The following KIF16B variants were observed in gnomAD, a reference collection of about 807,000 sequenced individuals.
KIF16B encodes the protein kinesin-like protein KIF16B.
In KIF16B, 98 loss-of-function variants were observed where a neutral mutation model predicts 156.3. The ratio of observed to expected loss-of-function variants is 0.63; its 90% CI spans 0.53 to 0.74. KIF16B has a LOEUF of 0.74. KIF16B is among the 30% of genes least tolerant of loss of function. The probability of loss-of-function intolerance (pLI) is 0.00; values close to 1 mark genes in which losing one functional copy is unlikely to be tolerated. For missense variants in KIF16B, 1,421 were observed against 1,606.5 expected (o/e 0.88, Z 1.97); for synonymous variants, 564 against 583.7 (o/e 0.97, Z 0.49).
At position 16,328,574 on chromosome 20, in the gene KIF16B, A is replaced by T. The variant is rs774262094; in HGVS notation, c.3711+7352T>A. 9.9e-4 allele frequency among the ~76,000 whole-genome samples: 150 copies of T among 152,284 alleles called. 1 individual carries two copies. The highest frequency in any genetic ancestry group is 9.8e-3 in the Admixed American group (149 of 15,274). ...GAATATCATCAAAAGACCCTCAATGATTGATTCCAGTACTTCATCTGTTTC... is the reference window on the plus strand; with the variant it reads ...GAATATCATCAAAAGACCCTCAATGTTTGATTCCAGTACTTCATCTGTTTC... On this transcript the variant is annotated intron_variant, in intron 24 of 25. Transcript: ENST00000354981.
At chr20:16,453,602 T>C (rs1311613696) in intron 12 of KIF16B, among the ~76,000 whole-genome samples, 2 of 152,100 alleles carry the variant, frequency 1.3e-5, no homozygotes, top group Non-Finnish European at 2.9e-5. Context: ...ATGAAAATTA[T>C]GGGAAAACGC....
chr20:16,387,463 G>A (rs1462354511), intron 17 of KIF16B, among the ~76,000 whole-genome samples: 1 of 152,156 alleles, frequency 6.6e-6, no homozygotes, highest in Non-Finnish European at 1.5e-5. Context: ...TCAAGTGCTG[G>A]AGATGAGGGA....
At chr20:16,352,065 G>A (rs1483788968) in intron 23 of KIF16B, among the ~76,000 whole-genome samples, 2 of 152,196 alleles carry the variant, frequency 1.3e-5, no homozygotes, top group East Asian at 1.9e-4. Flanking sequence ...GAGCAGACAC[G>A]ACTAATCTGT....
At chr20:16,430,301 C>A (rs2066464007) in intron 12 of KIF16B, among the ~76,000 whole-genome samples, 2 of 152,138 alleles carry the variant, frequency 1.3e-5, no homozygotes, top group South Asian at 4.1e-4. Context: ...AGCCTTTATG[C>A]CATTTAATAT....
rs990773545 is a variant in KIF16B at position 16,413,033 on chromosome 20, A to T, written c.1613-6577T>A. On this transcript the variant is annotated intron_variant, in intron 15 of 25. Coordinates refer to ENST00000354981, the MANE Select transcript of KIF16B (RefSeq NM_024704.5). ...CAGAATTCAGTTTCCTCATCTAGTTATCAAACTGGACAATTTCTAAGATTC... is the reference window on the plus strand; with the variant it reads ...CAGAATTCAGTTTCCTCATCTAGTTTTCAAACTGGACAATTTCTAAGATTC... 2.6e-5 allele frequency among the ~76,000 whole-genome samples: 4 copies of T among 152,098 alleles called. No homozygotes were observed. The East Asian group carries it at 5.8e-4, about 22-fold the overall frequency.
chr20:16,435,944 T>C (rs2066630802), intron 12 of KIF16B, among the ~76,000 whole-genome samples: 1 of 152,224 alleles, frequency 6.6e-6, no homozygotes, highest in African/African-American at 2.4e-5. Context: ...AATTCATGTT[T>C]CTCATTCATT....
chr20:16,301,049 G>A (rs1485745953), intron 25 of KIF16B, among the ~76,000 whole-genome samples: 1 of 151,978 alleles, frequency 6.6e-6, no homozygotes, highest in East Asian at 1.9e-4. Context: ...TATTAGTTGT[G>A]CCTTTTCCAA....
chr20:16,445,587 G>A (rs1173279968), intron 12 of KIF16B, among the ~76,000 whole-genome samples: 1 of 151,842 alleles, frequency 6.6e-6, no homozygotes, highest in Non-Finnish European at 1.5e-5. Context: ...GAGCAGCCTT[G>A]ATGACCTTTT....
chr20:16,468,955 T>C (rs1465057080), intron 12 of KIF16B, among the ~76,000 whole-genome samples: 2 of 152,070 alleles, frequency 1.3e-5, no homozygotes, highest in African/African-American at 4.8e-5. Flanking sequence ...TAAAACATCT[T>C]AACAAATGTA....
intron 17 of KIF16B, among the ~76,000 whole-genome samples, chr20:16,396,912 C>T (rs917415213): frequency 6.3e-5 from 7 of 111,518 alleles, no homozygotes; most frequent in Non-Finnish European, 9.2e-5. Flanking sequence ...TTTTGATATT[C>T]TAACTGGGTT....
At chr20:16,532,049 C>G in intron 1 of KIF16B, among the ~76,000 whole-genome samples, 2 of 104,426 alleles carry the variant, frequency 1.9e-5, no homozygotes, top group South Asian at 3.1e-4. Context: ...GACTGGACGA[C>G]AAGAGCAAAA....
intron 22 of KIF16B, among the ~76,000 whole-genome samples, chr20:16,364,507 T>G (rs2123225836): frequency 6.6e-6 from 1 of 152,332 alleles, no homozygotes; most frequent in South Asian, 2.1e-4. Flanking sequence ...CTAGGGGTGC[T>G]GTAGGCTTAG....
chr20:16,470,992 G>C (rs1280606818), intron 12 of KIF16B, among the ~76,000 whole-genome samples: 1 of 151,950 alleles, frequency 6.6e-6, no homozygotes, highest in Non-Finnish European at 1.5e-5. Flanking sequence ...GAAAACATAG[G>C]AGACAGGAAA....
chr20:16,488,725 T>C (rs760776084), intron 12 of KIF16B, among the ~76,000 whole-genome samples: 20 of 152,302 alleles, frequency 1.3e-4, no homozygotes, highest in Non-Finnish European at 2.4e-4. Flanking sequence ...CAAGAATCCA[T>C]TGATGTCAAG....
At chr20:16,303,654 G>A (rs978410953) in intron 25 of KIF16B, among the ~76,000 whole-genome samples, 1 of 152,152 alleles carries the variant, frequency 6.6e-6, no homozygotes, top group African/African-American at 2.4e-5. Flanking sequence ...ATATTAACGG[G>A]CAGATACTGT....
intron 22 of KIF16B, chr20:16,367,953 A>G: frequency 2.1e-6 from 3 of 1,443,572 alleles, no homozygotes; most frequent in Non-Finnish European, 2.7e-6. Flanking sequence ...GAGGTAGAGC[A>G]TGAAAAATGC....
At chr20:16,364,337 A>T (rs2064612942) in intron 22 of KIF16B, among the ~76,000 whole-genome samples, 1 of 152,252 alleles carries the variant, frequency 6.6e-6, no homozygotes, top group Non-Finnish European at 1.5e-5. Flanking sequence ...AGAATGTATT[A>T]AGAAGTCCCA....
At chr20:16,506,931 G>GA (rs1039837277) in intron 7 of KIF16B, among the ~76,000 whole-genome samples, 17 of 140,312 alleles carry the variant, frequency 1.2e-4, no homozygotes, top group African/African-American at 4.1e-4. Context: ...ACCATCTCTA[G>GA]AAAAAACTTA....
rs1010934379 is a variant in KIF16B, at chr20:16,565,312, C to T, written c.47+7917G>A. Among the ~76,000 whole-genome samples the T allele has an allele frequency of 3.3e-5, 5 of 152,092 alleles. No individual in the cohort carries two copies. In the East Asian group the frequency reaches 5.8e-4, roughly 18 times the overall value. ...AAACAAAATGCACAGCCCATAGAGCCGTGACATCATCACACACCATGTAGT... is the reference window on the plus strand; with the variant it reads ...AAACAAAATGCACAGCCCATAGAGCTGTGACATCATCACACACCATGTAGT... On this transcript the variant is annotated intron_variant, in intron 1 of 25. Transcript: ENST00000354981.
Sources: allele counts gnomAD v4.1 joint callset (sites outside exome capture counted in the v4.1 genomes callset), GRCh38; gene constraint gnomAD v4.1.1; transcripts MANE v1.5; gene names NCBI Gene and HGNC (gene_info 2026-07-23, HGNC 2026-07-21).